Variants in ABCC4 observed in about 807,000 individuals in gnomAD.
ABCC4 encodes the protein ATP-binding cassette sub-family C member 4.
Under a neutral mutation model 168.5 loss-of-function variants are expected in ABCC4, and 102 were observed. The ratio of observed to expected loss-of-function variants is 0.61; its 90% CI spans 0.52 to 0.71. ABCC4 has a LOEUF of 0.71. Ranked by LOEUF, ABCC4 falls within the 30% of genes least tolerant of loss-of-function variation. ABCC4 has a pLI of 0.00. For synonymous variants in ABCC4, 617 were observed against 590.7 expected (o/e 1.04, Z -0.65); for missense variants, 1,402 against 1,605.8 (o/e 0.87, Z 2.17).
chr13:95,194,147 T>A (rs2038343396), intron 9 of ABCC4, among the ~76,000 whole-genome samples: 1 of 152,196 alleles, frequency 6.6e-6, no homozygotes, highest in South Asian at 2.1e-4. Flanking sequence ...TTCTTGTGGG[T>A]GGCCCCTGCT....
At chr13:95,237,759 C>A (rs1411426263) in intron 3 of ABCC4, among the ~76,000 whole-genome samples, 1 of 152,066 alleles carries the variant, frequency 6.6e-6, no homozygotes, top group Non-Finnish European at 1.5e-5. Context: ...ATATTCCTTG[C>A]CCAACTGCAC....
chr13:95,142,436 G>T (rs116731831), intron 19 of ABCC4, among the ~76,000 whole-genome samples: 2,545 of 152,280 alleles, frequency 0.017, 49 homozygotes, highest in African/African-American at 0.054. Context: ...GAGGGGAAAG[G>T]TTGGAAAGGG....
At chr13:95,077,225 A>C (rs117657093) in intron 21 of ABCC4, among the ~76,000 whole-genome samples, 334 of 152,352 alleles carry the variant, frequency 2.2e-3, no homozygotes, top group Middle Eastern at 0.017. Context: ...CTTTTCTGAG[A>C]TAAATGATTT....
At chr13:95,065,244 G>T (rs4148536) in intron 25 of ABCC4, among the ~76,000 whole-genome samples, 7,552 of 152,168 alleles carry the variant, frequency 0.05, 247 homozygotes, top group South Asian at 0.11. Context: ...TTTAATTTCT[G>T]CAGCCATTAC....
At chr13:95,038,327 G>A (rs980274895) in intron 29 of ABCC4, among the ~76,000 whole-genome samples, 1 of 144,452 alleles carries the variant, frequency 6.9e-6, no homozygotes. Context: ...CTGTGGAAGA[G>A]GCAAAGATGG....
At chr13:95,091,845 C>T (rs886590919) in intron 20 of ABCC4, among the ~76,000 whole-genome samples, 11 of 152,098 alleles carry the variant, frequency 7.2e-5, no homozygotes, top group Non-Finnish European at 1.3e-4. Flanking sequence ...ATGTAAATTG[C>T]CTAAATGCTC....
At chr13:95,131,547 T>C (rs564096752) in intron 19 of ABCC4, among the ~76,000 whole-genome samples, 15 of 152,206 alleles carry the variant, frequency 9.9e-5, no homozygotes, top group African/African-American at 3.1e-4. Context: ...AAGAATTGCC[T>C]GAACCCCAGA....
At chr13:95,085,034 T>C (rs561272109) in intron 20 of ABCC4, among the ~76,000 whole-genome samples, 18 of 152,342 alleles carry the variant, frequency 1.2e-4, no homozygotes, top group African/African-American at 3.8e-4. Context: ...TTGAGAAGGA[T>C]AGAACAGTGG....
chr13:95,084,019 A>G (rs988108983), intron 20 of ABCC4, among the ~76,000 whole-genome samples: 13 of 152,218 alleles, frequency 8.5e-5, no homozygotes, highest in Admixed American at 5.9e-4. Context: ...GCACGGGATA[A>G]GGAAGTGACT....
intron 14 of ABCC4, among the ~76,000 whole-genome samples, chr13:95,167,454 C>T (rs1330977636): frequency 6.6e-6 from 1 of 152,130 alleles, no homozygotes; most frequent in Non-Finnish European, 1.5e-5. Flanking sequence ...CTGGCTAAGG[C>T]AAGTCAGGTG....
chr13:95,225,308 A>G (rs1400163673), intron 4 of ABCC4, among the ~76,000 whole-genome samples: 1 of 152,232 alleles, frequency 6.6e-6, no homozygotes. Context: ...GTTTCAGGAA[A>G]CAAAGCAAAA....
chr13:95,189,271 C>A (rs910264866), intron 9 of ABCC4, among the ~76,000 whole-genome samples: 2 of 150,886 alleles, frequency 1.3e-5, no homozygotes, highest in African/African-American at 4.9e-5. Context: ...GTAGCTGGGA[C>A]TACAGGCGCC....
At chr13:95,243,378 G>A (rs1159043310) in intron 3 of ABCC4, among the ~76,000 whole-genome samples, 1 of 152,212 alleles carries the variant, frequency 6.6e-6, no homozygotes, top group East Asian at 1.9e-4. Context: ...GAAACCCAGA[G>A]CCTTTGATAA....
chr13:95,028,664 G>C (rs574907083), intron 30 of ABCC4, among the ~76,000 whole-genome samples: 2 of 151,944 alleles, frequency 1.3e-5, no homozygotes, highest in Admixed American at 1.3e-4. Flanking sequence ...ATGCATTCAA[G>C]AAGAAGCAAC....
chr13:95,082,459 G>T (rs745349007), intron 21 of ABCC4, among the ~76,000 whole-genome samples: 10 of 152,154 alleles, frequency 6.6e-5, no homozygotes, highest in Non-Finnish European at 1.2e-4. Context: ...ATATCTCCTT[G>T]TGATCTAAGG....
chr13:95,294,019 C>G (rs574252240), intron 1 of ABCC4, among the ~76,000 whole-genome samples: 2 of 152,110 alleles, frequency 1.3e-5, no homozygotes, highest in South Asian at 4.2e-4. Flanking sequence ...AGAGCTCACA[C>G]AATGAGGGAG....
intron 9 of ABCC4, 29 bp from the exon 10 acceptor site, chr13:95,188,571 C>A: frequency 6.4e-7 from 1 of 1,555,756 alleles, no homozygotes; most frequent in Non-Finnish European, 8.8e-7. Flanking sequence ...AAAATGTGCC[C>A]ATTTCAATAA....
intron 1 of ABCC4, among the ~76,000 whole-genome samples, chr13:95,285,284 C>G (rs954268219): frequency 6.6e-6 from 1 of 150,902 alleles, no homozygotes; most frequent in African/African-American, 2.4e-5. Context: ...GGCGTGGTAG[C>G]TTACACCTGT....
chr13:95,145,474 G>GA (rs1393857501), intron 19 of ABCC4, among the ~76,000 whole-genome samples: 16 of 147,102 alleles, frequency 1.1e-4, no homozygotes, highest in Admixed American at 6.1e-4. Context: ...AAAAAAAAAA[G>GA]AAAAAAAAAT....
Sources: gnomAD v4.1 joint callset for allele counts (sites outside exome capture counted in the v4.1 genomes callset) on GRCh38, gnomAD v4.1.1 for gene constraint, MANE v1.5 for transcripts, NCBI Gene and HGNC (gene_info 2026-07-23, HGNC 2026-07-21) for gene names.